The following ATP6V1G3 variants were observed in gnomAD, a reference collection of about 807,000 sequenced individuals.
ATP6V1G3 encodes V-type proton ATPase subunit G 3.
A neutral mutation model predicts 9.3 loss-of-function variants in ATP6V1G3; 9 were observed. The observed-to-expected ratio is 0.97, with a 90% CI of 0.59 to 1.69. ATP6V1G3 has a LOEUF of 1.69. Ranked by LOEUF, ATP6V1G3 falls within the 40% of genes most tolerant of loss-of-function variation. The probability of loss-of-function intolerance (pLI) is 0.00; values close to 1 mark genes in which losing one functional copy is unlikely to be tolerated. For missense variants in ATP6V1G3, 133 were observed against 139.0 expected (o/e 0.96, Z 0.22); for synonymous variants, 43 against 43.8 (o/e 0.98, Z 0.07).
intron 1 of ATP6V1G3, among the ~76,000 whole-genome samples, chr1:198,535,343 A>G (rs1257228747): frequency 6.6e-6 from 1 of 152,172 alleles, no homozygotes; most frequent in Non-Finnish European, 1.5e-5. Context: ...ATCCACTTGC[A>G]TAGTGAAGAA....
intron 1 of ATP6V1G3, among the ~76,000 whole-genome samples, chr1:198,537,622 C>T (rs895890201): frequency 2.0e-5 from 3 of 152,142 alleles, no homozygotes; most frequent in African/African-American, 7.2e-5. Context: ...TCAAATGAAT[C>T]TTTGTATGAA....
intron 1 of ATP6V1G3, among the ~76,000 whole-genome samples, chr1:198,539,199 G>A (rs1660249375): frequency 6.6e-6 from 1 of 152,128 alleles, no homozygotes. Flanking sequence ...CTTAAGAAAA[G>A]GAAATGATTT....
intron 1 of ATP6V1G3, among the ~76,000 whole-genome samples, chr1:198,534,671 C>T (rs557130230): frequency 6.6e-6 from 1 of 152,084 alleles, no homozygotes; most frequent in African/African-American, 2.4e-5. Context: ...TGCCACCTGA[C>T]AAAAATATGC....
chr1:198,536,487 A>T (rs1660118119), intron 1 of ATP6V1G3, among the ~76,000 whole-genome samples: 1 of 152,228 alleles, frequency 6.6e-6, no homozygotes, highest in East Asian at 1.9e-4. Context: ...ATTAATGAAC[A>T]ATTTATTAAG....
intron 2 of ATP6V1G3, among the ~76,000 whole-genome samples, chr1:198,524,526 T>C (rs766208803): frequency 6.6e-6 from 1 of 152,204 alleles, no homozygotes; most frequent in Non-Finnish European, 1.5e-5. Context: ...ACATCATAAT[T>C]GTAGACACAG....
chr1:198,533,013 A>G, intron 1 of ATP6V1G3, among the ~76,000 whole-genome samples: 1 of 152,110 alleles, frequency 6.6e-6, no homozygotes, highest in East Asian at 1.9e-4. Flanking sequence ...TGTAATTTAA[A>G]AGGATTTCTT....
intron 1 of ATP6V1G3, among the ~76,000 whole-genome samples, chr1:198,533,396 G>C (rs1214087428): frequency 6.6e-6 from 1 of 151,980 alleles, no homozygotes; most frequent in African/African-American, 2.4e-5. Context: ...TCTGAAATTT[G>C]TTGCAATTGT....
Position 198,540,564 on chromosome 1 carries a change from C to T in ATP6V1G3, c.82+5G>A, listed in dbSNP as rs1170197982. On this transcript the variant is annotated splice_donor_5th_base_variant and intron_variant, in intron 1 of 2. Coordinates refer to ENST00000367382, the MANE Select transcript of ATP6V1G3 (RefSeq NM_001376861.1). ...CGTGACAGACCCCTCACAGGTGAGA[C>T]TTACTCTTCTTGGCTTCCTCTAGCT... The T allele has an allele frequency of 6.2e-7, 1 of 1,612,102 alleles. No homozygotes were observed. Among genetic ancestry groups the T allele is most frequent in the Non-Finnish European group, 8.5e-7 (1 of 1,179,218 alleles).
intron 1 of ATP6V1G3, among the ~76,000 whole-genome samples, chr1:198,540,030 G>A (rs1259510854): frequency 6.6e-6 from 1 of 151,888 alleles, no homozygotes; most frequent in Non-Finnish European, 1.5e-5. Context: ...TTCAGCCAGG[G>A]CAACATAGTG....
chr1:198,528,345 T>C (rs1274466451), intron 2 of ATP6V1G3, among the ~76,000 whole-genome samples: 1 of 152,148 alleles, frequency 6.6e-6, no homozygotes, highest in African/African-American at 2.4e-5. Context: ...TTATTGGCAG[T>C]GTCAGGCTTC....
chr1:198,533,300 TAAA>T (rs79666501), intron 1 of ATP6V1G3, among the ~76,000 whole-genome samples: 1 of 124,888 alleles, frequency 8.0e-6, no homozygotes. Flanking sequence ...AGACTCTGTC[TAAA>T]AAAAAAAAAA....
intron 1 of ATP6V1G3, 32 bp from the exon 2 acceptor site, chr1:198,529,213 T>TAA: frequency 2.4e-6 from 1 of 421,322 alleles, no homozygotes; most frequent in African/African-American, 2.2e-5. Flanking sequence ...TATATATATA[T>TAA]ATAATTATAT....
At position 198,523,575 on chromosome 1, in the gene ATP6V1G3, A is replaced by G; in HGVS notation, c.184-11T>C. ...CTGAGAGCCCATTATCTACCAAAAC[A>G]AAACAGACAGAATTCACATCATAAT... On this transcript the variant is annotated splice_polypyrimidine_tract_variant and intron_variant, in intron 2 of 2. Coordinates refer to ENST00000367382, the MANE Select transcript of ATP6V1G3 (RefSeq NM_001376861.1). The G allele has an allele frequency of 6.2e-7, 1 of 1,607,190 alleles. No individual in the cohort carries two copies. Among genetic ancestry groups the G allele is most frequent in the Non-Finnish European group, 8.5e-7 (1 of 1,177,160 alleles).
intron 1 of ATP6V1G3, among the ~76,000 whole-genome samples, chr1:198,536,008 T>TG (rs57031672): frequency 0.015 from 2,288 of 152,140 alleles, 73 homozygotes; most frequent in African/African-American, 0.052. Flanking sequence ...CATTTTTTTT[T>TG]GCTATTTCTT....
intron 1 of ATP6V1G3, among the ~76,000 whole-genome samples, chr1:198,537,469 C>A (rs1051859054): frequency 1.3e-5 from 2 of 152,066 alleles, no homozygotes; most frequent in African/African-American, 4.8e-5. Context: ...TGTTCTAGCA[C>A]TTTATGCCCA....
At chr1:198,530,041 C>G (rs915384461) in intron 1 of ATP6V1G3, among the ~76,000 whole-genome samples, 3 of 152,062 alleles carry the variant, frequency 2.0e-5, no homozygotes, top group Admixed American at 2.0e-4. Flanking sequence ...GTGCTTTGCT[C>G]TCTCCACCCA....
intron 1 of ATP6V1G3, among the ~76,000 whole-genome samples, chr1:198,534,209 G>A (rs138646156): frequency 6.6e-6 from 1 of 152,252 alleles, no homozygotes; most frequent in South Asian, 2.1e-4. Context: ...TTAAAATGAG[G>A]TATAAGGGAT....
In ATP6V1G3 at chr1:198,537,078, CA is replaced by C. The variant is rs530762582; in HGVS notation, c.82+3490del. On this transcript the variant is annotated intron_variant, in intron 1 of 2. Coordinates refer to ENST00000367382, the MANE Select transcript of ATP6V1G3 (RefSeq NM_001376861.1). Reference sequence around the variant, plus strand: ...TCCGAAGCCTGTCCACATTCCTGCCCATGTCCCTGTCAGATTTCATCTCTCT... The same window carrying C: ...TCCGAAGCCTGTCCACATTCCTGCCCTGTCCCTGTCAGATTTCATCTCTCT... Among the ~76,000 whole-genome samples, 251 of 152,252 alleles carry C rather than the reference CA, an allele frequency of 1.6e-3. 2 individuals carry two copies. Among genetic ancestry groups the C allele is most frequent in the African/African-American group, 5.8e-3 (242 of 41,548 alleles).
At chr1:198,525,303 AAACT>A (rs1312455613) in intron 2 of ATP6V1G3, among the ~76,000 whole-genome samples, 1 of 152,214 alleles carries the variant, frequency 6.6e-6, no homozygotes, top group Non-Finnish European at 1.5e-5. Context: ...AATTAAAAAC[AAACT>A]GTTGTGAAAC....
Sources: allele counts gnomAD v4.1 joint callset (sites outside exome capture counted in the v4.1 genomes callset), GRCh38; gene constraint gnomAD v4.1.1; transcripts MANE v1.5; gene names NCBI Gene and HGNC (gene_info 2026-07-23, HGNC 2026-07-21).